Variants in SLC24A2 observed in about 807,000 individuals in gnomAD.
The protein encoded by SLC24A2 is sodium/potassium/calcium exchanger 2.
SLC24A2 carries 36 observed loss-of-function variants against 62.0 expected under a neutral mutation model. The observed-to-expected ratio is 0.58, with a 90% CI of 0.44 to 0.77. SLC24A2 has a LOEUF of 0.77. Among genes scored for constraint, SLC24A2 ranks in the 30% least tolerant of loss-of-function variants. The probability of loss-of-function intolerance (pLI) is 0.00; values close to 1 mark genes in which losing one functional copy is unlikely to be tolerated. For missense variants in SLC24A2, 846 were observed against 817.9 expected, an observed-to-expected ratio of 1.03 and a Z score of -0.42; for synonymous variants, 358 against 294.0, an observed-to-expected ratio of 1.22 and a Z score of -2.23.
intron 2 of SLC24A2, among the ~76,000 whole-genome samples, chr9:19,636,689 C>T (rs969952861): frequency 6.6e-6 from 1 of 152,048 alleles, no homozygotes; most frequent in Non-Finnish European, 1.5e-5. Context: ...CCTGCCTCAC[C>T]TCCCAAAATG....
chr9:20,266,228 T>A, the SLC24A2 span, among the ~76,000 whole-genome samples: 219 of 152,254 alleles, frequency 1.4e-3, 1 homozygote, highest in African/African-American at 4.8e-3. Flanking sequence ...TAATAAAAAC[T>A]TGCTGGTTTT....
At chr9:19,918,140 A>ATGTGTGTGTG in the SLC24A2 span, among the ~76,000 whole-genome samples, 13 of 147,942 alleles carry the variant, frequency 8.8e-5, no homozygotes, top group Non-Finnish European at 1.5e-4. Flanking sequence ...AACTGACATT[A>ATGTGTGTGTG]TGTGTGTGTG....
intron 5 of SLC24A2, among the ~76,000 whole-genome samples, chr9:19,579,875 A>G (rs1180432625): frequency 1.3e-5 from 2 of 152,232 alleles, no homozygotes; most frequent in Non-Finnish European, 2.9e-5. Flanking sequence ...GCCCTCTGCC[A>G]GGAAGCATCT....
chr9:19,884,864 T>C, the SLC24A2 span, among the ~76,000 whole-genome samples: 4 of 152,340 alleles, frequency 2.6e-5, no homozygotes, highest in Admixed American at 2.6e-4. Flanking sequence ...GACTAAGCTA[T>C]GACGTTCAGT....
intron 8 of SLC24A2, among the ~76,000 whole-genome samples, chr9:19,543,761 G>T (rs1056247086): frequency 1.3e-5 from 2 of 152,218 alleles, no homozygotes; most frequent in African/African-American, 2.4e-5. Context: ...TCTTAATCCT[G>T]AGTTCTAATT....
rs142967080 is a variant in SLC24A2 at position 19,713,292 on chromosome 9, G to C, written c.930+72645C>G. Reference sequence around the variant, plus strand: ...GAGAGACAGGAAGTTTGCATTCTGGGAGAATGGACACATGTCACAAGCAGA... The same window carrying C: ...GAGAGACAGGAAGTTTGCATTCTGGCAGAATGGACACATGTCACAAGCAGA... On this transcript the variant is annotated intron_variant, in intron 2 of 10. Transcript: ENST00000341998. 1.6e-4 allele frequency among the ~76,000 whole-genome samples: 25 copies of C among 152,168 alleles called. No homozygotes were observed. The East Asian group carries it at 4.1e-3, about 25-fold the overall frequency.
intron 2 of SLC24A2, among the ~76,000 whole-genome samples, chr9:19,773,243 T>C (rs1289398007): frequency 6.6e-6 from 1 of 152,220 alleles, no homozygotes. Flanking sequence ...GTGATGATGG[T>C]TGTGTGACTC....
intron 2 of SLC24A2, among the ~76,000 whole-genome samples, chr9:19,679,922 C>G (rs935604274): frequency 6.6e-6 from 1 of 151,528 alleles, no homozygotes; most frequent in Non-Finnish European, 1.5e-5. Flanking sequence ...GGTTCTGTTT[C>G]TCTGGAGAAC....
chr9:20,107,934 G>T, the SLC24A2 span, among the ~76,000 whole-genome samples: 4 of 152,110 alleles, frequency 2.6e-5, no homozygotes, highest in South Asian at 8.3e-4. Context: ...GAAAATTTTC[G>T]CAACCTACTC....
At chr9:20,107,341 C>G in the SLC24A2 span, among the ~76,000 whole-genome samples, 2 of 151,186 alleles carry the variant, frequency 1.3e-5, no homozygotes, top group African/African-American at 4.9e-5. Context: ...TTGGAAAAAA[C>G]TACTTTGAAG....
chr9:19,892,730 G>A, the SLC24A2 span, among the ~76,000 whole-genome samples: 1 of 151,918 alleles, frequency 6.6e-6, no homozygotes. Flanking sequence ...AAAATTTTTG[G>A]TTTGTTTTTG....
the SLC24A2 span, among the ~76,000 whole-genome samples, chr9:20,047,278 G>C: frequency 6.6e-6 from 1 of 152,016 alleles, no homozygotes; most frequent in Admixed American, 6.6e-5. Flanking sequence ...CAGACTGTTT[G>C]CTCAATCTTT....
chr9:20,054,019 T>TG, the SLC24A2 span, among the ~76,000 whole-genome samples: 1 of 152,238 alleles, frequency 6.6e-6, no homozygotes, highest in African/African-American at 2.4e-5. Context: ...CCCCAGAGTC[T>TG]GAGCCTGTTG....
At chr9:20,006,557 T>C in the SLC24A2 span, among the ~76,000 whole-genome samples, 2 of 152,288 alleles carry the variant, frequency 1.3e-5, no homozygotes, top group Non-Finnish European at 2.9e-5. Context: ...ATTGCATGCC[T>C]GTATCAAAAT....
At chr9:19,662,134 A>T (rs1819119621) in intron 2 of SLC24A2, among the ~76,000 whole-genome samples, 1 of 152,254 alleles carries the variant, frequency 6.6e-6, no homozygotes, top group Non-Finnish European at 1.5e-5. Flanking sequence ...TGAAAATTCT[A>T]GTAACCACAT....
rs149046152 is a variant in SLC24A2 at position 19,582,845 on chromosome 9, G to T, written c.1130-5823C>A. Among the ~76,000 whole-genome samples the T allele has an allele frequency of 6.7e-3, 1,012 of 151,978 alleles. 6 individuals carry two copies. The highest frequency in any genetic ancestry group is 0.011 in the South Asian group (53 of 4,806). On this transcript the variant is annotated intron_variant, in intron 5 of 10. Coordinates refer to ENST00000341998, the MANE Select transcript of SLC24A2 (RefSeq NM_020344.4). ...CCACATGCCATCTACCAGCAAATCT[G>T]GTGTCTCTATTTTTAAAATTTTTCA...
At chr9:19,534,518 C>A (rs1833863753) in intron 8 of SLC24A2, among the ~76,000 whole-genome samples, 1 of 152,032 alleles carries the variant, frequency 6.6e-6, no homozygotes, top group African/African-American at 2.4e-5. Context: ...GCCCCCCACC[C>A]CTTGACAGGC....
intron 8 of SLC24A2, among the ~76,000 whole-genome samples, chr9:19,547,567 T>G (rs1248277355): frequency 1.4e-5 from 2 of 147,610 alleles, no homozygotes; most frequent in East Asian, 3.8e-4. Context: ...ATAAACACTT[T>G]GCCAGCCCTT....
the SLC24A2 span, among the ~76,000 whole-genome samples, chr9:20,263,986 T>A: frequency 6.6e-6 from 1 of 151,956 alleles, no homozygotes; most frequent in Non-Finnish European, 1.5e-5. Context: ...GCTCTGCACC[T>A]CTGAGCTGGC....
Sources: allele counts gnomAD v4.1 joint callset (sites outside exome capture counted in the v4.1 genomes callset), GRCh38; gene constraint gnomAD v4.1.1; transcripts MANE v1.5; gene names NCBI Gene and HGNC (gene_info 2026-07-23, HGNC 2026-07-21).